The following NELL1 variants were observed in gnomAD, a reference collection of about 807,000 sequenced individuals.
NELL1 encodes the protein neural EGFL like 1.
Under a neutral mutation model 107.4 loss-of-function variants are expected in NELL1, and 76 were observed. The observed-to-expected ratio is 0.71, with a 90% CI of 0.59 to 0.86. The LOEUF is 0.86. NELL1 is among the 40% of genes least tolerant of loss of function. The pLI is 0.00. For synonymous variants in NELL1, 353 were observed against 341.2 expected, an observed-to-expected ratio of 1.03 and a Z score of -0.38; for missense variants, 1,024 against 1,005.5, an observed-to-expected ratio of 1.02 and a Z score of -0.25.
intron 14 of NELL1, among the ~76,000 whole-genome samples, chr11:21,346,674 AAATATAT>A (rs1416665167): frequency 6.7e-6 from 1 of 148,358 alleles, no homozygotes. Context: ...ATATCAAATT[AAATATAT>A]AATATATATG....
At chr11:20,894,059 G>T (rs1222707979) in intron 5 of NELL1, among the ~76,000 whole-genome samples, 1 of 152,050 alleles carries the variant, frequency 6.6e-6, no homozygotes, top group African/African-American at 2.4e-5. Flanking sequence ...ACAGTGTGCT[G>T]GGTCAACTGA....
At chr11:21,172,565 AC>A (rs1247386165) in intron 13 of NELL1, among the ~76,000 whole-genome samples, 2 of 151,782 alleles carry the variant, frequency 1.3e-5, no homozygotes, top group African/African-American at 4.9e-5. Context: ...AGTTTTGTTT[AC>A]ATATCTAGTC....
In NELL1 at chr11:21,340,244, C is replaced by G. The variant is rs1273686509; in HGVS notation, c.1550-30609C>G. 2.6e-5 allele frequency among the ~76,000 whole-genome samples: 4 copies of G among 152,180 alleles called. No homozygotes were observed. In the South Asian group the frequency reaches 6.2e-4, roughly 24 times the overall value. The stretch of plus-strand genomic sequence containing the variant: ...CTTGGCTCACTGCAAGCTCTGCCCC[C>G]CAGGTTCATGCCATTCTCCCACCTC... On this transcript the variant is annotated intron_variant, in intron 14 of 19. Coordinates refer to ENST00000357134, the MANE Select transcript of NELL1 (RefSeq NM_006157.5).
At chr11:20,848,755 C>T (rs1201954562) in intron 4 of NELL1, among the ~76,000 whole-genome samples, 2 of 152,142 alleles carry the variant, frequency 1.3e-5, no homozygotes, top group African/African-American at 4.8e-5. Context: ...CCGCATTTCT[C>T]ATGAGGAGAT....
At chr11:21,356,625 G>A (rs1210112167) in intron 14 of NELL1, among the ~76,000 whole-genome samples, 1 of 152,162 alleles carries the variant, frequency 6.6e-6, no homozygotes, top group Non-Finnish European at 1.5e-5. Context: ...TAATACTGTA[G>A]CGCATAGTAG....
intron 15 of NELL1, among the ~76,000 whole-genome samples, chr11:21,427,746 CT>C (rs1852862113): frequency 6.6e-6 from 1 of 152,108 alleles, no homozygotes; most frequent in Non-Finnish European, 1.5e-5. Flanking sequence ...GTTTCTTTTC[CT>C]GTTGAATGGC....
In NELL1 at chr11:21,110,756, C is replaced by G. The variant is rs77741139; in HGVS notation, c.1301-2833C>G. Reference sequence around the variant, plus strand: ...GAGATGGAGTTCAGTGTGGCTGTATCTCTGTGAGTAAAATACCAATGTGAT... The same window carrying G: ...GAGATGGAGTTCAGTGTGGCTGTATGTCTGTGAGTAAAATACCAATGTGAT... On this transcript the variant is annotated intron_variant, in intron 12 of 19. Coordinates refer to ENST00000357134, the MANE Select transcript of NELL1 (RefSeq NM_006157.5). Among the ~76,000 whole-genome samples, 164 of 152,244 alleles carry G rather than the reference C, an allele frequency of 1.1e-3. 1 individual carries two copies. In the East Asian group the frequency reaches 0.024, roughly 22 times the overall value.
chr11:20,772,613 T>TTTCATTCATTCACTCA (rs1856662403), intron 2 of NELL1, among the ~76,000 whole-genome samples: 2 of 150,818 alleles, frequency 1.3e-5, no homozygotes, highest in Non-Finnish European at 2.9e-5. Flanking sequence ...ATTAGGCACT[T>TTTCATTCATTCACTCA]TTCATTCATT....
At chr11:21,429,178 A>G (rs1852908386) in intron 15 of NELL1, among the ~76,000 whole-genome samples, 1 of 152,210 alleles carries the variant, frequency 6.6e-6, no homozygotes, top group Non-Finnish European at 1.5e-5. Context: ...AAATGGTTTA[A>G]TAGTTTGATT....
chr11:21,048,745 C>T (rs1055562106), intron 12 of NELL1, among the ~76,000 whole-genome samples: 1 of 152,142 alleles, frequency 6.6e-6, no homozygotes, highest in African/African-American at 2.4e-5. Context: ...CCTTCCCTTC[C>T]ATGCACATGG....
chr11:21,528,993 T>C (rs1184976236), intron 15 of NELL1, among the ~76,000 whole-genome samples: 1 of 152,054 alleles, frequency 6.6e-6, no homozygotes, highest in Non-Finnish European at 1.5e-5. Flanking sequence ...TTTCCCTGAA[T>C]ATGGAAAAGG....
At chr11:21,539,811 C>T (rs952189318) in intron 16 of NELL1, among the ~76,000 whole-genome samples, 13 of 151,532 alleles carry the variant, frequency 8.6e-5, no homozygotes, top group Non-Finnish European at 1.2e-4. Context: ...CTTTTGGTTG[C>T]GAAAACAGGA....
At chr11:21,030,248 G>A (rs950870267) in intron 12 of NELL1, among the ~76,000 whole-genome samples, 1 of 152,106 alleles carries the variant, frequency 6.6e-6, no homozygotes, top group African/African-American at 2.4e-5. Context: ...GGCCAGGAAG[G>A]GTCCCTGATT....
chr11:20,754,511 T>C (rs1331435114), intron 2 of NELL1, among the ~76,000 whole-genome samples: 1 of 152,200 alleles, frequency 6.6e-6, no homozygotes, highest in African/African-American at 2.4e-5. Context: ...CACCTGCTCC[T>C]AGAATTTTGG....
chr11:20,993,271 G>T (rs1443465081), intron 12 of NELL1, among the ~76,000 whole-genome samples: 1 of 152,074 alleles, frequency 6.6e-6, no homozygotes. Flanking sequence ...TGTCATGATT[G>T]CTGAGTGACA....
chr11:21,003,441 T>G (rs1207161920), intron 12 of NELL1, among the ~76,000 whole-genome samples: 1 of 152,166 alleles, frequency 6.6e-6, no homozygotes, highest in Non-Finnish European at 1.5e-5. Context: ...TCTTGTGCTT[T>G]GGACATCCTG....
At chr11:21,238,417 C>G (rs568099177) in intron 14 of NELL1, among the ~76,000 whole-genome samples, 1 of 151,856 alleles carries the variant, frequency 6.6e-6, no homozygotes, top group Non-Finnish European at 1.5e-5. Context: ...CTTCTATTTT[C>G]TCAATAAAAT....
intron 15 of NELL1, among the ~76,000 whole-genome samples, chr11:21,451,613 G>T (rs77101950): frequency 6.6e-6 from 1 of 152,048 alleles, no homozygotes; most frequent in South Asian, 2.1e-4. Flanking sequence ...ATAGAATCAG[G>T]AATTTACATT....
chr11:21,050,928 G>A (rs530134034), intron 12 of NELL1, among the ~76,000 whole-genome samples: 2 of 152,238 alleles, frequency 1.3e-5, no homozygotes, highest in Admixed American at 1.3e-4. Context: ...TGTCCTAGCT[G>A]CTGAGGTTGA....
Sources: allele counts gnomAD v4.1 joint callset (sites outside exome capture counted in the v4.1 genomes callset), GRCh38; gene constraint gnomAD v4.1.1; transcripts MANE v1.5; gene names NCBI Gene and HGNC (gene_info 2026-07-23, HGNC 2026-07-21).